Variants in STRAP observed in about 807,000 individuals in gnomAD.
STRAP encodes serine-threonine kinase receptor-associated protein.
Under a neutral mutation model 47.0 loss-of-function variants are expected in STRAP, and 16 were observed. That is an observed-to-expected ratio of 0.34 (90% CI 0.23 to 0.52). The LOEUF (loss-of-function observed/expected upper bound fraction) is 0.52, where lower values mean the gene tolerates loss of function less well. Ranked by LOEUF, STRAP falls within the 20% of genes least tolerant of loss-of-function variation. The pLI is 0.96. For missense variants in STRAP, 293 were observed against 420.0 expected (o/e 0.70, Z 2.64); for synonymous variants, 130 against 142.7 (o/e 0.91, Z 0.63).
rs532629046 is a variant in STRAP, at chr12:15,885,930, A to G, written c.248+2254A>G. Among the ~76,000 whole-genome samples the G allele has an allele frequency of 5.9e-5, 9 of 152,346 alleles. No individual in the cohort carries two copies. In the South Asian group the frequency reaches 1.9e-3, roughly 32 times the overall value. ...AAAGTAACGATGATAGCTACCATGTAAACTATCACCACCCGCACTTGATCA... is the reference window on the plus strand; with the variant it reads ...AAAGTAACGATGATAGCTACCATGTGAACTATCACCACCCGCACTTGATCA... On this transcript the variant is annotated intron_variant, in intron 2 of 9. Coordinates refer to ENST00000419869, the MANE Select transcript of STRAP (RefSeq NM_007178.4).
In STRAP at chr12:15,882,487, C is replaced by G; in HGVS notation, c.-221C>G. 6 of 410,376 alleles carry G rather than the reference C, an allele frequency of 1.5e-5. No homozygotes were observed. The highest frequency in any genetic ancestry group is 4.6e-6 in the Non-Finnish European group (1 of 219,374). 25.4% of individuals were successfully genotyped at this position (410,376 alleles called of 1,614,324 possible). A position where few individuals can be genotyped will look rare whatever the true frequency, so the allele number is the denominator to read the frequency against. On this transcript the variant is annotated 5_prime_UTR_variant, in exon 1 of 10. Coordinates refer to ENST00000419869, the MANE Select transcript of STRAP (RefSeq NM_007178.4). ...CCTACTTTCCTCCCTCCCTCCCTTT[C>G]CCTCCCTCGTCGACTGTTGCTTGCT...
intron 2 of STRAP, among the ~76,000 whole-genome samples, chr12:15,889,596 G>T (rs1266812554): frequency 6.6e-6 from 1 of 152,114 alleles, no homozygotes; most frequent in Non-Finnish European, 1.5e-5. Context: ...TTGCTAAAGG[G>T]ATATTATGGC....
Position 15,890,557 on chromosome 12 carries a change from A to G in STRAP, c.331-40A>G. 6.7e-7 allele frequency: 1 copy of G among 1,496,230 alleles called. No individual in the cohort carries two copies. The highest frequency in any genetic ancestry group is 9.2e-7 in the Non-Finnish European group (1 of 1,086,004). The allele number at this position is 1,496,230 out of a possible 1,614,324, so 92.7% of individuals were successfully genotyped here. On this transcript the variant is annotated intron_variant, in intron 3 of 9. Coordinates refer to ENST00000419869, the MANE Select transcript of STRAP (RefSeq NM_007178.4). The surrounding 1 kb of genome is among the most constrained non-coding windows in gnomAD (Gnocchi z 4.5). The stretch of plus-strand genomic sequence containing the variant: ...GAAATTTGAAAGAGAAATAACTATT[A>G]AAATGGTTAATCTATTCACATTTTA...
rs887406057 is a variant in STRAP at position 15,894,516 on chromosome 12, A to G, written c.500+373A>G. Reference sequence around the variant, plus strand: ...TTACCTTAGAGCTTATATTTTAAATACATTTAATATTATGTGTGAAAAATG... The same window carrying G: ...TTACCTTAGAGCTTATATTTTAAATGCATTTAATATTATGTGTGAAAAATG... On this transcript the variant is annotated intron_variant, in intron 5 of 9. Transcript: ENST00000419869. The surrounding 1 kb of genome is among the most constrained non-coding windows in gnomAD (Gnocchi z 4.9). Among the ~76,000 whole-genome samples, 2 of 152,222 alleles carry G rather than the reference A, an allele frequency of 1.3e-5. No individual in the cohort carries two copies. Among genetic ancestry groups the G allele is most frequent in the Non-Finnish European group, 2.9e-5 (2 of 68,046 alleles).
chr12:15,898,105 TTACA>T, intron 7 of STRAP, 87 bp downstream of exon 7: 2 of 1,152,222 alleles, frequency 1.7e-6, no homozygotes, highest in Non-Finnish European at 2.3e-6. Flanking sequence ...TATATATATG[TTACA>T]TATATATGTT....
Position 15,903,227 on chromosome 12 carries a change from T to C in STRAP, c.*249T>C, listed in dbSNP as rs1405200001. On this transcript the variant is annotated 3_prime_UTR_variant, in exon 10 of 10. Transcript: ENST00000419869. ...TGGCCTGTTATCTTTTTAATGAATA[T>C]ATACAAGCCAACATCCAATTTCTAT... 1.5e-5 allele frequency: 5 copies of C among 326,048 alleles called. No individual in the cohort carries two copies. The Admixed American group carries it at 1.9e-4, about 13-fold the overall frequency. The allele number at this position is 326,048 out of a possible 1,614,324, so 20.2% of individuals were successfully genotyped here. A position where few individuals can be genotyped will look rare whatever the true frequency, so the allele number is the denominator to read the frequency against.
intron 9 of STRAP, among the ~76,000 whole-genome samples, chr12:15,901,731 G>C (rs1948104719): frequency 6.6e-6 from 1 of 151,804 alleles, no homozygotes; most frequent in Non-Finnish European, 1.5e-5. Context: ...CATGGTGGCA[G>C]ATACCTGTAA....
intron 2 of STRAP, among the ~76,000 whole-genome samples, chr12:15,886,766 T>TA (rs771282718): frequency 7.9e-5 from 12 of 152,326 alleles, no homozygotes; most frequent in African/African-American, 2.9e-4. Context: ...CCTCCATTCT[T>TA]ACGTTTCTTG....
At chr12:15,899,865 T>G in intron 7 of STRAP, 39 bp from the exon 8 acceptor site, 1 of 1,578,340 alleles carries the variant, frequency 6.3e-7, no homozygotes, top group Non-Finnish European at 8.6e-7. Context: ...ATATTTAACC[T>G]AATAGTTAAA....
In STRAP at chr12:15,903,425, C is replaced by T. The variant is rs1043072; in HGVS notation, c.*447C>T. Reference sequence around the variant, plus strand: ...TGATTTCTCGTTCATTGTACACTGCCTCTGAACATCTAATTGTTTTTAGTT... The same window carrying T: ...TGATTTCTCGTTCATTGTACACTGCTTCTGAACATCTAATTGTTTTTAGTT... On this transcript the variant is annotated 3_prime_UTR_variant, in exon 10 of 10. Transcript: ENST00000419869. 13,468 of 152,396 alleles carry T rather than the reference C, an allele frequency of 0.088. 1,970 individuals are homozygous for T. The highest frequency in any genetic ancestry group is 0.3 in the African/African-American group (12,489 of 41,452). 9.4% of individuals were successfully genotyped at this position (152,396 alleles called of 1,614,324 possible).
chr12:15,883,408 T>TG, intron 1 of STRAP, 133 bp from the exon 2 acceptor site: 1 of 977,202 alleles, frequency 1.0e-6, no homozygotes, highest in South Asian at 1.7e-5. Context: ...GTGCCTTCAG[T>TG]GGGTGGTGGT....
At chr12:15,902,600 A>G (rs1948114177) in intron 9 of STRAP, among the ~76,000 whole-genome samples, 1 of 152,242 alleles carries the variant, frequency 6.6e-6, no homozygotes, top group Admixed American at 6.5e-5. Flanking sequence ...AGATCCTTCG[A>G]AGACATGACT....
intron 5 of STRAP, 46 bp from the exon 6 acceptor site, chr12:15,895,311 CTT>C (rs751750171): frequency 7.2e-7 from 1 of 1,395,458 alleles, no homozygotes; most frequent in Non-Finnish European, 9.5e-7. Context: ...AATTTATAAA[CTT>C]TTTTCTTACA....
rs1010395900 is a variant in STRAP at position 15,896,937 on chromosome 12, A to C, written c.639-945A>C. Among the ~76,000 whole-genome samples the C allele has an allele frequency of 6.6e-6, 1 of 152,240 alleles. No individual in the cohort carries two copies. The highest frequency in any genetic ancestry group is 1.5e-5 in the Non-Finnish European group (1 of 68,034). ...AAAGGCGGTAAAATTGGAGGAGAGCAATTAAGCAATGTCAAGGAGTTTATA... is the reference window on the plus strand; with the variant it reads ...AAAGGCGGTAAAATTGGAGGAGAGCCATTAAGCAATGTCAAGGAGTTTATA... On this transcript the variant is annotated intron_variant, in intron 6 of 9. Transcript: ENST00000419869. This position sits in a 1 kb window ranked among gnomAD's most constrained non-coding sequence, Gnocchi z 4.1.
chr12:15,888,525 T>C (rs1160005654), intron 2 of STRAP, among the ~76,000 whole-genome samples: 1 of 152,204 alleles, frequency 6.6e-6, no homozygotes, highest in Non-Finnish European at 1.5e-5. Context: ...TATTAAATAT[T>C]GCAAGCTTTG....
intron 4 of STRAP, among the ~76,000 whole-genome samples, chr12:15,892,864 G>T (rs868008029): frequency 3.3e-5 from 5 of 152,160 alleles, no homozygotes; most frequent in Middle Eastern, 3.2e-3. Flanking sequence ...CAGGGATTGG[G>T]TTGACATTTT....
chr12:15,899,818 A>G, intron 7 of STRAP, 86 bp from the exon 8 acceptor site: 1 of 1,322,394 alleles, frequency 7.6e-7, no homozygotes, highest in Middle Eastern at 2.6e-4. Context: ...CCATCTCCCC[A>G]GTAACACAGA....
At chr12:15,892,057 G>A (rs1301813144) in intron 4 of STRAP, among the ~76,000 whole-genome samples, 1 of 152,118 alleles carries the variant, frequency 6.6e-6, no homozygotes, top group Non-Finnish European at 1.5e-5. Flanking sequence ...AGTGAGCACT[G>A]ATAACTAACT....
At position 15,896,250 on chromosome 12, in the gene STRAP, A is replaced by C. The variant is rs548705664; in HGVS notation, c.638+754A>C. Among the ~76,000 whole-genome samples, 1 of 152,244 alleles carries C rather than the reference A, an allele frequency of 6.6e-6. No homozygotes were observed. Among genetic ancestry groups the C allele is most frequent in the South Asian group, 2.1e-4 (1 of 4,824 alleles). ...CTCTGTCTCAAAAAAAACAAAAAAC[A>C]AAAAAACAGTGTGATCTTGATTCTA... is the stretch of plus-strand genomic sequence containing the variant. On this transcript the variant is annotated intron_variant, in intron 6 of 9. Transcript: ENST00000419869. The surrounding 1 kb of genome is among the most constrained non-coding windows in gnomAD (Gnocchi z 4.1).
Sources: allele counts gnomAD v4.1 joint callset (sites outside exome capture counted in the v4.1 genomes callset), GRCh38; gene constraint gnomAD v4.1.1; non-coding constraint Gnocchi (gnomAD v3.1); transcripts MANE v1.5; gene names NCBI Gene and HGNC (gene_info 2026-07-23, HGNC 2026-07-21).